KIAA0513: variants seen among roughly 807,000 people sequenced by gnomAD.
KIAA0513 encodes KIAA0513.
KIAA0513 carries 39 observed loss-of-function variants against 56.5 expected under a neutral mutation model. The ratio of observed to expected loss-of-function variants is 0.69; its 90% CI spans 0.53 to 0.90. KIAA0513 has a LOEUF of 0.90. Ranked by LOEUF, KIAA0513 falls within the 40% of genes least tolerant of loss-of-function variation. The pLI, the probability that KIAA0513 is intolerant of heterozygous loss-of-function variation, is 0.00. For missense variants in KIAA0513, 591 were observed against 535.2 expected, an observed-to-expected ratio of 1.10 and a Z score of -1.03; for synonymous variants, 268 against 215.6, an observed-to-expected ratio of 1.24 and a Z score of -2.13.
At chr16:85,088,086 A>G (rs1363243363) in intron 12 of KIAA0513, among the ~76,000 whole-genome samples, 190 bp from the exon 13 acceptor site, 3 of 152,224 alleles carry the variant, frequency 2.0e-5, no homozygotes, top group African/African-American at 7.2e-5. Context: ...TGTGTGTGCA[A>G]TGCGCCCTCA....
chr16:85,067,243 G>A lies in KIAA0513; in HGVS notation c.172G>A (p.Gly58Ser). Residue 58 changes from glycine (G) to serine (S), a missense_variant, in exon 2 of 13, where the codon GGC becomes AGC. By Grantham distance (56) the Gly-to-Ser change is moderately conservative. Transcript: ENST00000683363. ...TESADSENDM[G>S]ESPSHPSWDQ... ...GTCTGCGGACAGTGAGAATGACATG[G>A]GCGAGTCGCCCTCGCACCCGTCCTG... The A allele has an allele frequency of 6.2e-7, 1 of 1,614,118 alleles. No individual in the cohort carries two copies. Among genetic ancestry groups the A allele is most frequent in the Non-Finnish European group, 8.5e-7 (1 of 1,180,010 alleles).
At position 85,081,456 on chromosome 16, in the gene KIAA0513, C is replaced by T. The variant is rs866636325; in HGVS notation, c.980+64C>T. 3.9e-5 allele frequency: 55 copies of T among 1,403,416 alleles called. No individual in the cohort carries two copies. The highest frequency in any genetic ancestry group is 3.5e-4 in the Admixed American group (18 of 50,732). 86.9% of individuals were successfully genotyped at this position (1,403,416 alleles called of 1,614,324 possible). ...AGGACCAGGGAGTGGCTTTATTTCC[C>T]GGTTTCGGAAGAGGAGAGCAGAAGA... On this transcript the variant is annotated intron_variant, in intron 9 of 12. Transcript: ENST00000683363. The surrounding 1 kb of genome is among the most constrained non-coding windows in gnomAD (Gnocchi z 4.4).
intron 12 of KIAA0513, 47 bp downstream of exon 12, chr16:85,087,213 C>G: frequency 6.7e-7 from 1 of 1,487,806 alleles, no homozygotes; most frequent in Non-Finnish European, 9.4e-7. Context: ...GGGCTGGGGT[C>G]AGGAGCCAGT....
Position 85,071,796 on chromosome 16 carries a change from CAGG to C in KIAA0513, c.349_351del (p.Glu117del). ...TTTTTTTTTTAGGGAGGACTTGGAT[CAGG>C]AGGAGAAAGCCAAGTTTGGAGAGTA... On this transcript the variant is annotated inframe_deletion, in exon 3 of 13. Transcript: ENST00000683363. 6.7e-7 allele frequency: 1 copy of C among 1,497,836 alleles called. No individual in the cohort carries two copies. The highest frequency in any genetic ancestry group is 9.0e-7 in the Non-Finnish European group (1 of 1,107,088). The allele number at this position is 1,497,836 out of a possible 1,614,324, so 92.8% of individuals were successfully genotyped here.
In KIAA0513 at chr16:85,091,169, G is replaced by A. The variant is rs999593445; in HGVS notation, c.*2844G>A. ...GGCCATTGCAGGCACTCTGCCGCCCGACCTTGAGGGCTGTGCCAATCCTAG... is the reference window on the plus strand; with the variant it reads ...GGCCATTGCAGGCACTCTGCCGCCCAACCTTGAGGGCTGTGCCAATCCTAG... On this transcript the variant is annotated 3_prime_UTR_variant, in exon 13 of 13. Coordinates refer to ENST00000683363, the MANE Select transcript of KIAA0513 (RefSeq NM_001388359.1). The A allele has an allele frequency of 2.0e-5, 3 of 152,228 alleles. No individual in the cohort carries two copies. Among genetic ancestry groups the A allele is most frequent in the East Asian group, 1.9e-4 (1 of 5,202 alleles). 9.4% of individuals were successfully genotyped at this position (152,228 alleles called of 1,614,324 possible).
intron 4 of KIAA0513, 144 bp from the exon 5 acceptor site, chr16:85,075,700 A>G (rs767694633): frequency 2.9e-6 from 2 of 689,208 alleles, no homozygotes; most frequent in Non-Finnish European, 5.2e-6. Flanking sequence ...TCCTAATGGA[A>G]CTTGGGGAGA....
rs1365955599 is a variant in KIAA0513, at chr16:85,082,487, G to A, written c.981-77G>A. On this transcript the variant is annotated intron_variant, in intron 9 of 12. Coordinates refer to ENST00000683363, the MANE Select transcript of KIAA0513 (RefSeq NM_001388359.1). ...TGCCTGTAATAACCCTCCTCTGCTT[G>A]TTCTCTTTTTACCATCCACATATCT... 3.5e-6 allele frequency: 5 copies of A among 1,436,836 alleles called. No individual in the cohort carries two copies. In the African/African-American group the frequency reaches 7.0e-5, roughly 20 times the overall value. 89.0% of individuals were successfully genotyped at this position (1,436,836 alleles called of 1,614,324 possible). A position where few individuals can be genotyped will look rare whatever the true frequency, so the allele number is the denominator to read the frequency against.
intron 1 of KIAA0513, among the ~76,000 whole-genome samples, chr16:85,034,505 AG>A (rs2143837952): frequency 6.6e-6 from 1 of 152,256 alleles, no homozygotes; most frequent in South Asian, 2.1e-4. Flanking sequence ...GTGTGGGGAA[AG>A]GGCTTTTATT....
At chr16:85,063,433 T>C (rs903816758) in intron 1 of KIAA0513, 2 of 152,168 alleles carry the variant, frequency 1.3e-5, no homozygotes, top group Non-Finnish European at 2.9e-5. Flanking sequence ...GCCCGGCTGA[T>C]TTTTGTGTTT....
chr16:85,057,801 C>T (rs1375898261), intron 1 of KIAA0513, among the ~76,000 whole-genome samples: 1 of 149,470 alleles, frequency 6.7e-6, no homozygotes, highest in Non-Finnish European at 1.5e-5. Flanking sequence ...TCTCCTTTTA[C>T]CTTTCCTGTG....
chr16:85,077,438 G>A lies in KIAA0513; in HGVS notation c.588G>A (p.Leu196=). 1 of 1,614,062 alleles carries A rather than the reference G, an allele frequency of 6.2e-7. No individual in the cohort carries two copies. The highest frequency in any genetic ancestry group is 2.2e-5 in the East Asian group (1 of 44,850). Residue 196 remains leucine (L), a synonymous_variant, in exon 6 of 13, where the codon CTG becomes CTA. Transcript: ENST00000683363. The part of the protein sequence containing the change: ...FTYYHIGKPQ[L]LPPESREKPA... The stretch of plus-strand genomic sequence containing the variant: ...CTCTCATCCAAGGAAAACCACAGCT[G>A]CTGCCCCCGGAGTCCCGGGAGAAGC...
intron 1 of KIAA0513, among the ~76,000 whole-genome samples, chr16:85,041,581 T>C (rs1025801628): frequency 6.6e-6 from 1 of 152,206 alleles, no homozygotes; most frequent in African/African-American, 2.4e-5. Context: ...GGTTGCCAAG[T>C]GAATGGCTTG....
At chr16:85,040,073 A>G (rs992431342) in intron 1 of KIAA0513, among the ~76,000 whole-genome samples, 25 of 152,044 alleles carry the variant, frequency 1.6e-4, no homozygotes, top group African/African-American at 5.3e-4. Context: ...ACCTCAGGTG[A>G]TCCGCCCGCC....
chr16:85,057,924 C>T (rs566382055), intron 1 of KIAA0513, among the ~76,000 whole-genome samples: 5 of 152,266 alleles, frequency 3.3e-5, no homozygotes, highest in Admixed American at 2.6e-4. Context: ...CTGCCCTCCT[C>T]ATTGGTGACC....
chr16:85,071,168 G>A (rs894550248), intron 2 of KIAA0513, among the ~76,000 whole-genome samples: 1 of 152,154 alleles, frequency 6.6e-6, no homozygotes, highest in Non-Finnish European at 1.5e-5. Flanking sequence ...TCCTAGTGGT[G>A]GCGACACCAA....
chr16:85,073,472 G>A (rs965053693), intron 4 of KIAA0513, among the ~76,000 whole-genome samples: 1 of 152,230 alleles, frequency 6.6e-6, no homozygotes, highest in Non-Finnish European at 1.5e-5. Context: ...CTTGGTAGGC[G>A]GTGAGGGGTG....
chr16:85,043,574 A>G (rs1374190263), intron 1 of KIAA0513, among the ~76,000 whole-genome samples: 2 of 150,794 alleles, frequency 1.3e-5, no homozygotes, highest in African/African-American at 4.9e-5. Flanking sequence ...ACCACACCCG[A>G]CTAATCTTTC....
At chr16:85,059,973 T>A (rs1429573647) in intron 1 of KIAA0513, among the ~76,000 whole-genome samples, 1 of 152,214 alleles carries the variant, frequency 6.6e-6, no homozygotes, top group Non-Finnish European at 1.5e-5. Flanking sequence ...GTGTGTTTTG[T>A]TTTTTGAGAC....
chr16:85,077,326 A>C (rs1383309243), intron 5 of KIAA0513, 99 bp from the exon 6 acceptor site: 2 of 1,116,974 alleles, frequency 1.8e-6, no homozygotes, highest in Non-Finnish European at 2.6e-6. Context: ...CCGTATCCCC[A>C]CTGCACAGGA....
Sources: gnomAD v4.1 joint callset for allele counts (sites outside exome capture counted in the v4.1 genomes callset) on GRCh38, gnomAD v4.1.1 for gene constraint, Gnocchi (gnomAD v3.1) non-coding constraint, MANE v1.5 for transcripts, NCBI Gene and HGNC (gene_info 2026-07-23, HGNC 2026-07-21) for gene names.